Variants in NBPF11 observed in about 807,000 individuals in gnomAD.
NBPF11 encodes the protein NBPF family member NBPF11.
In NBPF11, 72 loss-of-function variants were observed where a neutral mutation model predicts 93.9. The ratio of observed to expected loss-of-function variants is 0.77; its 90% CI spans 0.63 to 0.93. The LOEUF (loss-of-function observed/expected upper bound fraction) is 0.93. NBPF11 is among the 40% of genes least tolerant of loss of function. The pLI is 0.00. For synonymous variants in NBPF11, 224 were observed against 304.9 expected, an observed-to-expected ratio of 0.73 and a Z score of 2.76; for missense variants, 705 against 802.2, an observed-to-expected ratio of 0.88 and a Z score of 1.46.
At chr1:148,129,154 A>ATT (rs1177084598) in intron 4 of NBPF11, among the ~76,000 whole-genome samples, 2 of 135,840 alleles carry the variant, frequency 1.5e-5, no homozygotes, top group Admixed American at 1.5e-4. Context: ...ATGTATATAT[A>ATT]TTATATATAT....
At chr1:148,109,441 T>C (rs1412265273) in intron 16 of NBPF11, 106 bp from the exon 17 acceptor site, 13 of 843,348 alleles carry the variant, frequency 1.5e-5, no homozygotes, top group Non-Finnish European at 2.4e-5. Context: ...CTTGTCAGTG[T>C]GAAAACAGGA....
intron 1 of NBPF11, among the ~76,000 whole-genome samples, chr1:148,148,197 G>A (rs1647241591): frequency 6.6e-6 from 1 of 152,230 alleles, no homozygotes; most frequent in Admixed American, 6.5e-5. Flanking sequence ...GCGAGCTGTG[G>A]AGTGCTGCCA....
At position 148,122,648 on chromosome 1, in the gene NBPF11, C is replaced by A. The variant is rs1280734689; in HGVS notation, c.566+81G>T. 84 of 1,582,380 alleles carry A rather than the reference C, an allele frequency of 5.3e-5. 2 individuals are homozygous for A. In the South Asian group the frequency reaches 7.5e-4, roughly 14 times the overall value. Reference sequence around the variant, plus strand: ...AAGGGAATGCGGGCTTTTGGCCCATCATAGATGCCAGAGAGGGCGTGCCTC... The same window carrying A: ...AAGGGAATGCGGGCTTTTGGCCCATAATAGATGCCAGAGAGGGCGTGCCTC... On this transcript the variant is annotated intron_variant, in intron 8 of 23. Transcript: ENST00000682118.
intron 1 of NBPF11, chr1:148,149,165 G>C: frequency 6.3e-7 from 1 of 1,589,118 alleles, no homozygotes; most frequent in Non-Finnish European, 8.5e-7. Flanking sequence ...CGCCAGGTAC[G>C]GCATCAGCCC....
chr1:148,138,492 G>A lies in NBPF11; in HGVS notation c.-276-683C>T, dbSNP rs1323174011. Among the ~76,000 whole-genome samples, 19 of 152,078 alleles carry A rather than the reference G, an allele frequency of 1.2e-4. 1 individual carries two copies. In the East Asian group the frequency reaches 3.7e-3, roughly 29 times the overall value. On this transcript the variant is annotated intron_variant, in intron 2 of 23. Transcript: ENST00000682118. ...GGACAATACCTGGCTTTCCTAGGCA[G>A]AGGTCCCTGCAGTCTTCCGCAGTGT...
chr1:148,149,651 G>A, intron 1 of NBPF11: 1 of 1,282,346 alleles, frequency 7.8e-7, no homozygotes, highest in Non-Finnish European at 1.1e-6. Context: ...GGCTGCATGT[G>A]GACCCCCCCG....
At chr1:148,129,063 G>T (rs1268800968) in intron 4 of NBPF11, among the ~76,000 whole-genome samples, 2 of 145,834 alleles carry the variant, frequency 1.4e-5, no homozygotes, top group Non-Finnish European at 3.0e-5. Flanking sequence ...CGAGTTAATG[G>T]GTGCAGCAAA....
intron 1 of NBPF11, among the ~76,000 whole-genome samples, chr1:148,150,949 A>T (rs1350783585): frequency 0.012 from 1,804 of 151,812 alleles, 65 homozygotes; most frequent in African/African-American, 0.042. Flanking sequence ...GGATGGTCTC[A>T]ATCTCCTGAC....
At chr1:148,134,020 T>A (rs1477374043) in intron 4 of NBPF11, among the ~76,000 whole-genome samples, 1 of 152,194 alleles carries the variant, frequency 6.6e-6, no homozygotes, top group African/African-American at 2.4e-5. Flanking sequence ...GCCTGTCCTC[T>A]ACTCTTCCAG....
At chr1:148,105,715 A>AATAC (rs1663389141) in intron 21 of NBPF11, among the ~76,000 whole-genome samples, 187 bp from the exon 22 acceptor site, 1 of 34,130 alleles carries the variant, frequency 2.9e-5, no homozygotes, top group Non-Finnish European at 4.9e-5. Flanking sequence ...ATGAAAGAGA[A>AATAC]AGACAGACAC....
At position 148,126,842 on chromosome 1, in the gene NBPF11, T is replaced by G; in HGVS notation, c.162A>C (p.Arg54=). The change falls in exon 5 of 24, where the codon CGA becomes CGC. Residue 54 remains arginine (R), a synonymous_variant. Transcript: ENST00000682118. ...TATAGATCTTACTGTATTTCTTCTG[T>G]CGGTTGGCCAGGAAGCCGGCCAGTT... ...LTQLAGFLAN[R]QKKYKYEECK... 1.3e-6 allele frequency: 2 copies of G among 1,571,392 alleles called. No individual in the cohort carries two copies. Among genetic ancestry groups the G allele is most frequent in the Non-Finnish European group, 1.7e-6 (2 of 1,148,300 alleles).
In NBPF11 at chr1:148,122,890, A is replaced by G. The variant is rs1553271934; in HGVS notation, c.494-89T>C. 14 of 1,604,160 alleles carry G rather than the reference A, an allele frequency of 8.7e-6. No individual in the cohort carries two copies. In the South Asian group the frequency reaches 1.4e-4, roughly 16 times the overall value. ...AACGTGCACAGAGACATGAATATCT[A>G]TGTATGGTTCAGCATTGTACTGAAA... On this transcript the variant is annotated intron_variant, in intron 7 of 23. Transcript: ENST00000682118.
intron 1 of NBPF11, chr1:148,146,486 C>A (rs1673103088): frequency 2.5e-6 from 4 of 1,604,158 alleles, no homozygotes; most frequent in Non-Finnish European, 3.4e-6. Flanking sequence ...TTCCTGCCGC[C>A]GGAGGCCACC....
At chr1:148,127,801 C>G (rs1271319055) in intron 4 of NBPF11, among the ~76,000 whole-genome samples, 14 of 148,538 alleles carry the variant, frequency 9.4e-5, no homozygotes, top group Non-Finnish European at 1.6e-4. Context: ...CGCCACCACG[C>G]CCGGCTAATT....
chr1:148,151,552 G>C (rs1479182406), intron 1 of NBPF11, among the ~76,000 whole-genome samples, 198 bp downstream of exon 1: 1 of 152,018 alleles, frequency 6.6e-6, no homozygotes, highest in Non-Finnish European at 1.5e-5. Flanking sequence ...GGAGGGCTGC[G>C]GGCTGCAGCG....
At chr1:148,130,970 T>G (rs1407413760) in intron 4 of NBPF11, among the ~76,000 whole-genome samples, 1 of 151,912 alleles carries the variant, frequency 6.6e-6, no homozygotes, top group Non-Finnish European at 1.5e-5. Context: ...CTGAGTAGTA[T>G]TCCTTCATGT....
At chr1:148,149,236 G>T (rs1278278313) in intron 1 of NBPF11, 1 of 1,577,850 alleles carries the variant, frequency 6.3e-7, no homozygotes, top group Non-Finnish European at 8.6e-7. Context: ...ACCTGGCCTC[G>T]CGCTACGAGT....
chr1:148,104,144 G>A (rs1662971938), intron 23 of NBPF11, among the ~76,000 whole-genome samples: 1 of 144,548 alleles, frequency 6.9e-6, no homozygotes. Context: ...CAGAGACAGA[G>A]ACAGAGAGAA....
intron 8 of NBPF11, among the ~76,000 whole-genome samples, 186 bp downstream of exon 8, chr1:148,122,539 GACAT>G (rs1668106944): frequency 6.6e-6 from 1 of 152,206 alleles, no homozygotes; most frequent in Non-Finnish European, 1.5e-5. Context: ...GTATGGTACA[GACAT>G]GACACTTGGC....
Sources: allele counts gnomAD v4.1 joint callset (sites outside exome capture counted in the v4.1 genomes callset), GRCh38; gene constraint gnomAD v4.1.1; transcripts MANE v1.5; gene names NCBI Gene and HGNC (gene_info 2026-07-23, HGNC 2026-07-21).